The following MTUS1 variants were observed in gnomAD, a reference collection of about 807,000 sequenced individuals.
The protein encoded by MTUS1 is microtubule-associated tumor suppressor 1.
A neutral mutation model predicts 120.8 loss-of-function variants in MTUS1; 109 were observed. The ratio of observed to expected loss-of-function variants is 0.90; its 90% CI spans 0.77 to 1.06. MTUS1 has a LOEUF of 1.06. MTUS1 is among the 50% of genes least tolerant of loss of function. The pLI is 0.00. For synonymous variants in MTUS1, 737 were observed against 550.5 expected, an observed-to-expected ratio of 1.34 and a Z score of -4.74; for missense variants, 2,210 against 1,486.3, an observed-to-expected ratio of 1.49 and a Z score of -8.01.
intron 4 of MTUS1, among the ~76,000 whole-genome samples, chr8:17,721,095 G>A (rs2045803014): frequency 6.6e-6 from 1 of 152,114 alleles, no homozygotes; most frequent in Admixed American, 6.5e-5. Context: ...TGCCACTAAA[G>A]ATATCACATC....
At chr8:17,751,518 G>A (rs1485329927) in intron 2 of MTUS1, among the ~76,000 whole-genome samples, 1 of 152,100 alleles carries the variant, frequency 6.6e-6, no homozygotes, top group African/African-American at 2.4e-5. Flanking sequence ...AAATGTGCAA[G>A]AGGTAAACTA....
intron 5 of MTUS1, among the ~76,000 whole-genome samples, chr8:17,713,736 A>G (rs1382702791): frequency 6.6e-6 from 1 of 152,240 alleles, no homozygotes; most frequent in African/African-American, 2.4e-5. Flanking sequence ...GAGGGGTAAT[A>G]GGTACACAGC....
intron 6 of MTUS1, among the ~76,000 whole-genome samples, chr8:17,695,095 A>C (rs1360018171): frequency 6.6e-6 from 1 of 152,194 alleles, no homozygotes; most frequent in Non-Finnish European, 1.5e-5. Context: ...CATTCAGATA[A>C]GAGTCACCAT....
At chr8:17,740,448 T>G (rs2047231463) in intron 3 of MTUS1, among the ~76,000 whole-genome samples, 1 of 152,184 alleles carries the variant, frequency 6.6e-6, no homozygotes, top group Non-Finnish European at 1.5e-5. Context: ...TGGTTTCAAT[T>G]TGCTAATACA....
intron 13 of MTUS1, 135 bp downstream of exon 13, chr8:17,649,711 G>C: frequency 1.6e-6 from 1 of 642,006 alleles, no homozygotes; most frequent in Non-Finnish European, 2.8e-6. Context: ...AAGAAAATGT[G>C]AACTTTATCT....
At chr8:17,688,558 G>T (rs530651060) in intron 6 of MTUS1, among the ~76,000 whole-genome samples, 16 of 152,340 alleles carry the variant, frequency 1.1e-4, no homozygotes, top group African/African-American at 3.8e-4. Flanking sequence ...TGGACAGACA[G>T]AAAATTCCCT....
chr8:17,665,151 C>T (rs1315254027), intron 8 of MTUS1, among the ~76,000 whole-genome samples: 1 of 152,174 alleles, frequency 6.6e-6, no homozygotes, highest in Admixed American at 6.5e-5. Flanking sequence ...GATACTTTGT[C>T]AAATGACCAA....
At chr8:17,653,350 A>C in intron 11 of MTUS1, 69 bp from the exon 12 acceptor site, 1 of 1,512,446 alleles carries the variant, frequency 6.6e-7, no homozygotes, top group Non-Finnish European at 9.0e-7. Context: ...ACGTACACAG[A>C]AACATTAAAA....
rs1193584174 is a variant in MTUS1 at position 17,657,549 on chromosome 8, C to G, written c.2906-1484G>C. Among the ~76,000 whole-genome samples the G allele has an allele frequency of 2.7e-5, 4 of 147,516 alleles. No individual in the cohort carries two copies. In the East Asian group the frequency reaches 6.0e-4, roughly 22 times the overall value. ...CGCCACTGCACTCCAGCCTGGGCGA[C>G]AGAGAGAGACTCCGTCTCAAAAAAA... On this transcript the variant is annotated intron_variant, in intron 8 of 14. Coordinates refer to ENST00000693296, the MANE Select transcript of MTUS1 (RefSeq NM_001363059.2).
At chr8:17,668,037 T>C (rs373333044) in intron 8 of MTUS1, among the ~76,000 whole-genome samples, 1 of 152,204 alleles carries the variant, frequency 6.6e-6, no homozygotes. Context: ...AGGACTAATG[T>C]ATAAAAAGAT....
chr8:17,766,005 A>G (rs868172510), intron 1 of MTUS1, among the ~76,000 whole-genome samples: 5 of 152,174 alleles, frequency 3.3e-5, no homozygotes, highest in Non-Finnish European at 7.4e-5. Flanking sequence ...CATACTATAA[A>G]TTATACACTA....
chr8:17,755,521 T>G lies in MTUS1; in HGVS notation c.287A>C (p.Asp96Ala). ...CTGACAAATAGAATCTTTATGCATA[T>G]CTAACACCTGCTTACTAATGAAATC... ...SSDFISKQVL[D>A]MHKDSICQCP... The change falls in exon 2 of 15, where the codon GAT becomes GCT. Residue 96 changes from aspartate to alanine, a missense_variant. Physicochemically the swap from Asp to Ala is moderately radical, Grantham distance 126. Transcript: ENST00000693296. The G allele has an allele frequency of 1.2e-6, 2 of 1,614,198 alleles. No individual in the cohort carries two copies. Among genetic ancestry groups the G allele is most frequent in the Non-Finnish European group, 1.7e-6 (2 of 1,180,020 alleles).
intron 8 of MTUS1, among the ~76,000 whole-genome samples, chr8:17,656,332 G>A (rs1315467249): frequency 6.6e-5 from 10 of 151,878 alleles, no homozygotes; most frequent in South Asian, 6.3e-4. Context: ...GTTCAAGACC[G>A]GCCTGGTCAA....
At chr8:17,723,513 AT>A in intron 4 of MTUS1, 158 bp downstream of exon 4, 5 of 740,212 alleles carry the variant, frequency 6.8e-6, no homozygotes, top group Admixed American at 2.2e-5. Flanking sequence ...TTTTCAAAGA[AT>A]TTTTTTTCTG....
At chr8:17,705,381 T>G (rs1171947221) in intron 6 of MTUS1, among the ~76,000 whole-genome samples, 4 of 152,236 alleles carry the variant, frequency 2.6e-5, no homozygotes, top group Non-Finnish European at 5.9e-5. Flanking sequence ...AAGTCTATAT[T>G]CTTAGTGTTT....
chr8:17,745,712 A>G (rs1283146653), intron 2 of MTUS1, among the ~76,000 whole-genome samples: 2 of 152,214 alleles, frequency 1.3e-5, no homozygotes, highest in East Asian at 3.9e-4. Flanking sequence ...TCGAACGTTA[A>G]TAACTCCATT....
At chr8:17,680,460 G>A (rs1814150673) in intron 7 of MTUS1, among the ~76,000 whole-genome samples, 1 of 53,684 alleles carries the variant, frequency 1.9e-5, no homozygotes, top group African/African-American at 6.3e-5. Flanking sequence ...CAAGGCCACT[G>A]TCGCAAAAAA....
intron 6 of MTUS1, among the ~76,000 whole-genome samples, chr8:17,685,549 A>T (rs958138428): frequency 6.6e-6 from 1 of 152,212 alleles, no homozygotes; most frequent in Non-Finnish European, 1.5e-5. Flanking sequence ...AGCAAATCTG[A>T]AACAACTTTT....
rs758716363 is a variant in MTUS1 at position 17,684,516 on chromosome 8, G to T, written c.2650C>A (p.Arg884=). The T allele has an allele frequency of 1.2e-6, 2 of 1,613,824 alleles. No individual in the cohort carries two copies. The highest frequency in any genetic ancestry group is 1.7e-6 in the Non-Finnish European group (2 of 1,179,988). ...GTCTGTGGCTGGATACATAAGCTTCGAGGATTCTTTTGCCTGCTCTTTTCA... is the reference window on the plus strand; with the variant it reads ...GTCTGTGGCTGGATACATAAGCTTCTAGGATTCTTTTGCCTGCTCTTTTCA... ...AVEKSRQKNP[R]SLCIQPQTAP... is the part of the protein sequence containing the mutation. The change falls in exon 7 of 15, where the codon CGA becomes AGA. Residue 884 remains arginine, a synonymous_variant. Coordinates refer to ENST00000693296, the MANE Select transcript of MTUS1 (RefSeq NM_001363059.2).
Sources: gnomAD v4.1 joint callset for allele counts (sites outside exome capture counted in the v4.1 genomes callset) on GRCh38, gnomAD v4.1.1 for gene constraint, MANE v1.5 for transcripts, NCBI Gene and HGNC (gene_info 2026-07-23, HGNC 2026-07-21) for gene names.